Variants in RGS6 observed in about 807,000 individuals in gnomAD.
RGS6 encodes regulator of G protein signaling 6.
A neutral mutation model predicts 78.5 loss-of-function variants in RGS6; 30 were observed. The ratio of observed to expected loss-of-function variants is 0.38; its 90% CI spans 0.29 to 0.52. The LOEUF (loss-of-function observed/expected upper bound fraction) is 0.52, where lower values mean the gene tolerates loss of function less well. RGS6 is among the 20% of genes least tolerant of loss of function. The pLI is 0.85. For missense variants in RGS6, 495 were observed against 609.7 expected (o/e 0.81, Z 1.98); for synonymous variants, 206 against 206.0 (o/e 1.00, Z 0.00).
At chr14:72,456,908 C>T (rs1186932746) in intron 4 of RGS6, among the ~76,000 whole-genome samples, 1 of 151,156 alleles carries the variant, frequency 6.6e-6, no homozygotes, top group African/African-American at 2.4e-5. Flanking sequence ...CAAAACCCTA[C>T]CTCTACCAAA....
chr14:72,139,920 G>T (rs1212046871), intron 2 of RGS6, among the ~76,000 whole-genome samples: 3 of 152,034 alleles, frequency 2.0e-5, no homozygotes, highest in African/African-American at 7.2e-5. Context: ...AAATGATCAG[G>T]CTTTCTTTTT....
chr14:72,127,744 C>A (rs1260525659), intron 2 of RGS6, among the ~76,000 whole-genome samples: 1 of 152,118 alleles, frequency 6.6e-6, no homozygotes, highest in African/African-American at 2.4e-5. Context: ...ATATCCCAAC[C>A]AGAATATTGA....
At chr14:72,556,949 C>T (rs7141877) in intron 17 of RGS6, among the ~76,000 whole-genome samples, 66,299 of 152,072 alleles carry the variant, frequency 0.44, 17,782 homozygotes, top group African/African-American at 0.76. Flanking sequence ...TTTAAAACCA[C>T]ATAAAATGCC....
At position 72,509,922 on chromosome 14, in the gene RGS6, G is replaced by A. The variant is rs77387808; in HGVS notation, c.966-232G>A. On this transcript the variant is annotated intron_variant, in intron 13 of 17. Transcript: ENST00000553525. ...ACAGCAGCCATTTGAAGGGCATGCC[G>A]GCAACCATCACTTAACATGCCTCCT... Among the ~76,000 whole-genome samples, 14,012 of 152,144 alleles carry A rather than the reference G, an allele frequency of 0.092. 778 individuals are homozygous for A. Among genetic ancestry groups the A allele is most frequent in the South Asian group, 0.15 (714 of 4,808 alleles).
At chr14:72,358,970 C>T (rs530271391) in intron 3 of RGS6, among the ~76,000 whole-genome samples, 1 of 152,264 alleles carries the variant, frequency 6.6e-6, no homozygotes, top group East Asian at 1.9e-4. Flanking sequence ...GGTTGGTTAC[C>T]TCCATGCTTT....
intron 17 of RGS6, among the ~76,000 whole-genome samples, chr14:72,542,027 C>A (rs1441495982): frequency 6.6e-6 from 1 of 152,070 alleles, no homozygotes; most frequent in Admixed American, 6.5e-5. Context: ...GGGAGAGCTT[C>A]CAGAGGGAGT....
chr14:72,390,730 A>G (rs990648525), intron 3 of RGS6, among the ~76,000 whole-genome samples: 3 of 152,204 alleles, frequency 2.0e-5, no homozygotes, highest in Non-Finnish European at 4.4e-5. Flanking sequence ...GCAGAATTTA[A>G]TGATCCTTTG....
intron 2 of RGS6, among the ~76,000 whole-genome samples, chr14:72,240,673 A>G (rs2153823874): frequency 6.6e-6 from 1 of 152,296 alleles, no homozygotes; most frequent in Non-Finnish European, 1.5e-5. Context: ...TTCTCAATAT[A>G]AGAAGAGTTT....
chr14:71,999,359 T>C (rs1009216324), intron 2 of RGS6, among the ~76,000 whole-genome samples: 14 of 152,210 alleles, frequency 9.2e-5, no homozygotes, highest in African/African-American at 3.4e-4. Context: ...GTGCAGACCA[T>C]GGTAAATGCT....
chr14:72,463,048 A>G (rs1167794190), intron 6 of RGS6, among the ~76,000 whole-genome samples: 1 of 152,238 alleles, frequency 6.6e-6, no homozygotes, highest in Non-Finnish European at 1.5e-5. Flanking sequence ...TTAATTGCAC[A>G]TATAATACAT....
chr14:72,356,617 C>T (rs1341473884), intron 3 of RGS6, among the ~76,000 whole-genome samples: 1 of 151,970 alleles, frequency 6.6e-6, no homozygotes, highest in Admixed American at 6.6e-5. Context: ...ATAATAGTTC[C>T]CATAATTCCC....
intron 2 of RGS6, among the ~76,000 whole-genome samples, chr14:72,091,752 A>C (rs936443869): frequency 5.3e-5 from 8 of 152,182 alleles, no homozygotes; most frequent in Non-Finnish European, 1.0e-4. Context: ...CGTTTTCTGC[A>C]GGCTCCTGTC....
intron 2 of RGS6, among the ~76,000 whole-genome samples, chr14:72,047,902 T>A (rs954352379): frequency 2.7e-4 from 40 of 146,660 alleles, no homozygotes; most frequent in African/African-American, 9.5e-4. Context: ...ATTTTTGTTT[T>A]TTTTTTTTTT....
chr14:72,239,208 C>T (rs895058741), intron 2 of RGS6, among the ~76,000 whole-genome samples: 1 of 152,126 alleles, frequency 6.6e-6, no homozygotes, highest in Non-Finnish European at 1.5e-5. Context: ...GGGTGAGCTG[C>T]CTGCATGCAC....
intron 2 of RGS6, among the ~76,000 whole-genome samples, chr14:72,195,475 G>A (rs1391302956): frequency 6.6e-6 from 1 of 152,142 alleles, no homozygotes; most frequent in African/African-American, 2.4e-5. Context: ...AGTGGAGAGA[G>A]AAAAAAGAGG....
intron 2 of RGS6, among the ~76,000 whole-genome samples, chr14:72,341,695 G>C (rs538755792): frequency 2.5e-4 from 38 of 152,300 alleles, no homozygotes; most frequent in Non-Finnish European, 5.0e-4. Flanking sequence ...TTCCATAGTA[G>C]GGAATTTGGC....
intron 13 of RGS6, among the ~76,000 whole-genome samples, chr14:72,499,542 G>A (rs1421174371): frequency 6.6e-6 from 1 of 152,202 alleles, no homozygotes; most frequent in Non-Finnish European, 1.5e-5. Context: ...CTGTCGATCA[G>A]ATATGTCACA....
At chr14:72,175,402 T>C (rs1390613302) in intron 2 of RGS6, among the ~76,000 whole-genome samples, 3 of 152,214 alleles carry the variant, frequency 2.0e-5, no homozygotes, top group Admixed American at 6.5e-5. Flanking sequence ...TTCTTTCCCC[T>C]GAAGACAAAG....
intron 2 of RGS6, among the ~76,000 whole-genome samples, chr14:72,052,036 G>A (rs1008968311): frequency 1.3e-5 from 2 of 152,150 alleles, no homozygotes; most frequent in African/African-American, 4.8e-5. Context: ...GCAAACGTCA[G>A]GTGGGACAGT....
Sources: allele counts gnomAD v4.1 joint callset (sites outside exome capture counted in the v4.1 genomes callset), GRCh38; gene constraint gnomAD v4.1.1; transcripts MANE v1.5; gene names NCBI Gene and HGNC (gene_info 2026-07-23, HGNC 2026-07-21).